BUB1B: variants seen among roughly 807,000 people sequenced by gnomAD.
The protein encoded by BUB1B is BUB1 mitotic checkpoint serine/threonine kinase B, also known as mitotic checkpoint serine/threonine-protein kinase BUB1 beta.
BUB1B carries 86 observed loss-of-function variants against 137.7 expected under a neutral mutation model. The ratio of observed to expected loss-of-function variants is 0.62; its 90% confidence interval spans 0.52 to 0.75. The LOEUF (loss-of-function observed/expected upper bound fraction) is 0.75, where lower values mean the gene tolerates loss of function less well. Ranked by LOEUF, BUB1B falls within the 30% of genes least tolerant of loss-of-function variation. The pLI is 0.00. For missense variants in BUB1B, 1,130 were observed against 1,236.9 expected, an observed-to-expected ratio of 0.91 and a Z score of 1.30; for synonymous variants, 420 against 417.9, an observed-to-expected ratio of 1.00 and a Z score of -0.06.
intron 8 of BUB1B, among the ~76,000 whole-genome samples, chr15:40,192,391 T>C (rs1012957261): frequency 5.3e-5 from 8 of 152,204 alleles, no homozygotes; most frequent in Non-Finnish European, 8.8e-5. Context: ...TATTGATACA[T>C]TATTATTGGT....
At position 40,217,498 on chromosome 15, in the gene BUB1B, T is replaced by A. The variant is rs756903136; in HGVS notation, c.2681T>A (p.Ile894Asn). 2.5e-6 allele frequency: 4 copies of A among 1,613,990 alleles called. No individual in the cohort carries two copies. The Admixed American group carries it at 6.7e-5, about 27-fold the overall frequency. ...CCTTCTCTTAAATCTGGGCTCAGAA[T>A]CCACGATCCCTATGATTGTAACAAG... is the stretch of plus-strand genomic sequence containing the variant. ...SPRCLILRNR[I>N]HDPYDCNKNN... Residue 894 changes from isoleucine (I) to asparagine (N), a missense_variant and splice_region_variant, in exon 21 of 23, where the codon ATC (isoleucine) becomes AAC (asparagine). Coordinates refer to ENST00000287598, the MANE Select transcript of BUB1B (RefSeq NM_001211.6).
intron 11 of BUB1B, 97 bp from the exon 12 acceptor site, chr15:40,200,834 A>ATAT: frequency 2.0e-6 from 2 of 993,322 alleles, no homozygotes; most frequent in Admixed American, 3.7e-5. Context: ...CTTAGAGTAA[A>ATAT]TATTATATTT....
intron 2 of BUB1B, among the ~76,000 whole-genome samples, chr15:40,166,164 AT>A (rs1318920341): frequency 2.6e-5 from 4 of 151,612 alleles, no homozygotes; most frequent in African/African-American, 7.3e-5. Flanking sequence ...CATTCATCAT[AT>A]TTTTTCATGT....
At chr15:40,169,268 C>T (rs1455772301) in intron 2 of BUB1B, among the ~76,000 whole-genome samples, 2 of 151,940 alleles carry the variant, frequency 1.3e-5, no homozygotes, top group Non-Finnish European at 2.9e-5. Context: ...CCAATGTTAC[C>T]CATGGAAGTT....
In BUB1B at chr15:40,220,629, C is replaced by G; in HGVS notation, c.3023C>G (p.Thr1008Arg). The change falls in exon 23 of 23, where the codon ACA (threonine) becomes AGA (arginine). Residue 1008 changes from threonine to arginine, a missense_variant. By Grantham distance (71) the Thr-to-Arg change is moderately conservative. Coordinates refer to ENST00000287598, the MANE Select transcript of BUB1B (RefSeq NM_001211.6). ...ATTCTGAATGCCAATGATGAGGCCA[C>G]AGTGTCTGTTCTTGGGGAGCTTGCA... ...VRILNANDEA[T>R]VSVLGELAAE... is the part of the protein sequence containing the mutation. 1 of 1,614,196 alleles carries G rather than the reference C, an allele frequency of 6.2e-7. No homozygotes were observed. The highest frequency in any genetic ancestry group is 8.5e-7 in the Non-Finnish European group (1 of 1,180,036).
At chr15:40,199,997 C>A (rs1392980215) in intron 10 of BUB1B, 1 of 587,102 alleles carries the variant, frequency 1.7e-6, no homozygotes, top group Admixed American at 3.0e-5. Flanking sequence ...GCTTTTTATT[C>A]TAGCTATGTT....
chr15:40,199,464 G>T (rs779710041), intron 9 of BUB1B, 151 bp from the exon 10 acceptor site: 23 of 669,564 alleles, frequency 3.4e-5, no homozygotes, highest in Middle Eastern at 2.5e-4. Flanking sequence ...AAGAATAGAG[G>T]CCTAGACCAC....
At chr15:40,188,278 C>T (rs528322133) in intron 8 of BUB1B, among the ~76,000 whole-genome samples, 2 of 152,200 alleles carry the variant, frequency 1.3e-5, no homozygotes, top group South Asian at 2.1e-4. Context: ...GAACTGACCT[C>T]GTGATCTGCC....
chr15:40,181,566 C>G (rs921362896), intron 5 of BUB1B, among the ~76,000 whole-genome samples: 8 of 152,094 alleles, frequency 5.3e-5, no homozygotes, highest in African/African-American at 1.9e-4. Context: ...AATTTTAGAC[C>G]ATTTCCCCCG....
At chr15:40,200,205 A>G (rs773121836) in intron 10 of BUB1B, 39 bp from the exon 11 acceptor site, 14 of 1,407,750 alleles carry the variant, frequency 9.9e-6, no homozygotes, top group Non-Finnish European at 1.3e-5. Context: ...CATTTTCTGG[A>G]TGGGAGGGAC....
rs923688322 is a variant in BUB1B, at chr15:40,196,673, T to C, written c.1187T>C (p.Met396Thr). ...QQASEEKKEK[M>T]MYCKEKIYAG... is the part of the protein sequence containing the mutation. ...GCGTCTGAGGAGAAGAAAGAGAAGA[T>C]GATGTATTGTAAGGAGAAGATTTAT... The change falls in exon 9 of 23, where the codon ATG (methionine) becomes ACG (threonine). Residue 396 changes from methionine (M) to threonine (T), a missense_variant. Coordinates refer to ENST00000287598, the MANE Select transcript of BUB1B (RefSeq NM_001211.6). 9 of 1,613,930 alleles carry C rather than the reference T, an allele frequency of 5.6e-6. No individual in the cohort carries two copies. The highest frequency in any genetic ancestry group is 5.9e-6 in the Non-Finnish European group (7 of 1,179,910).
At chr15:40,186,916 T>A (rs77620489) in intron 8 of BUB1B, 5 of 151,780 alleles carry the variant, frequency 3.3e-5, no homozygotes, top group Admixed American at 3.3e-4. Context: ...TTTTTTTTTT[T>A]CTTTTTAAAC....
intron 5 of BUB1B, among the ~76,000 whole-genome samples, chr15:40,180,448 A>G (rs1232157908): frequency 6.7e-6 from 1 of 150,280 alleles, no homozygotes; most frequent in Non-Finnish European, 1.5e-5. Context: ...GTAGTTTTAG[A>G]AGAGATGGGG....
chr15:40,196,500 T>G lies in BUB1B; in HGVS notation c.1059-45T>G, dbSNP rs759439681. 2.0e-6 allele frequency: 3 copies of G among 1,485,118 alleles called. No homozygotes were observed. In the Admixed American group the frequency reaches 5.3e-5, roughly 26 times the overall value. The allele number at this position is 1,485,118 out of a possible 1,614,324, so 92.0% of individuals were successfully genotyped here. A position where few individuals can be genotyped will look rare whatever the true frequency, so the allele number is the denominator to read the frequency against. The stretch of plus-strand genomic sequence containing the variant: ...CTTCTTTTATCAATCTTATTGATTT[T>G]TTTTATTTTGACCCATATGAATAAT... On this transcript the variant is annotated intron_variant, in intron 8 of 22. Coordinates refer to ENST00000287598, the MANE Select transcript of BUB1B (RefSeq NM_001211.6).
At chr15:40,188,723 T>C (rs903332310) in intron 8 of BUB1B, among the ~76,000 whole-genome samples, 1 of 151,244 alleles carries the variant, frequency 6.6e-6, no homozygotes, top group African/African-American at 2.4e-5. Flanking sequence ...GCTGGCATTA[T>C]AGACGCCCGC....
chr15:40,180,251 C>CTTTTTTTTTTTTTTTTTTTTTT (rs34300396), intron 5 of BUB1B, among the ~76,000 whole-genome samples: 3 of 90,508 alleles, frequency 3.3e-5, no homozygotes, highest in African/African-American at 1.3e-4. Context: ...CGTTTCGTTT[C>CTTTTTTTTTTTTTTTTTTTTTT]TTTTTTTTTT....
chr15:40,216,745 A>C (rs890673341), intron 20 of BUB1B, among the ~76,000 whole-genome samples: 6 of 151,580 alleles, frequency 4.0e-5, no homozygotes, highest in African/African-American at 1.5e-4. Context: ...ATATTGCACC[A>C]ATATCAGGAG....
Position 40,209,300 on chromosome 15 carries a change from A to C in BUB1B, c.2144-335A>C, listed in dbSNP as rs188626357. 5.2e-3 allele frequency among the ~76,000 whole-genome samples: 795 copies of C among 152,334 alleles called. 7 individuals carry two copies. The highest frequency in any genetic ancestry group is 0.018 in the African/African-American group (746 of 41,598). On this transcript the variant is annotated intron_variant, in intron 16 of 22. Transcript: ENST00000287598. The stretch of plus-strand genomic sequence containing the variant: ...GCCGGGCATGGTGGCGGGTGTCTGT[A>C]GTCCCAGCTACTCTGGAGGCTGAGG...
At chr15:40,175,996 T>C (rs976356002) in intron 4 of BUB1B, among the ~76,000 whole-genome samples, 1 of 152,140 alleles carries the variant, frequency 6.6e-6, no homozygotes, top group East Asian at 1.9e-4. Context: ...TCACCCAGGC[T>C]AGAATGCAGT....
Sources: allele counts gnomAD v4.1 joint callset (sites outside exome capture counted in the v4.1 genomes callset), GRCh38; gene constraint gnomAD v4.1.1; transcripts MANE v1.5; gene names NCBI Gene and HGNC (gene_info 2026-07-23, HGNC 2026-07-21).